The following RAPGEF6 variants were observed in gnomAD, a reference collection of about 807,000 sequenced individuals.
RAPGEF6 encodes Rap guanine nucleotide exchange factor 6.
RAPGEF6 carries 56 observed loss-of-function variants against 171.4 expected under a neutral mutation model. That is an observed-to-expected ratio of 0.33 (90% CI 0.26 to 0.41). RAPGEF6 has a LOEUF of 0.41. RAPGEF6 is among the 10% of genes least tolerant of loss of function. RAPGEF6 has a pLI of 1.00. For missense variants in RAPGEF6, 1,674 were observed against 1,921.4 expected, an observed-to-expected ratio of 0.87 and a Z score of 2.41; for synonymous variants, 692 against 650.1, an observed-to-expected ratio of 1.06 and a Z score of -0.98.
rs1752259931 is a variant in RAPGEF6 at position 131,439,801 on chromosome 5, A to G, written c.3611-86T>C. On this transcript the variant is annotated intron_variant, in intron 23 of 27. Coordinates refer to ENST00000509018, the MANE Select transcript of RAPGEF6 (RefSeq NM_016340.6). ...CCTAAATCACTACATAACTAACACT[A>G]TGATGCACAATGGCTAGTGTAGTCA... 2.6e-6 allele frequency: 4 copies of G among 1,521,784 alleles called. No individual in the cohort carries two copies. The East Asian group carries it at 7.0e-5, about 26-fold the overall frequency. The allele number at this position is 1,521,784 out of a possible 1,614,324, so 94.3% of individuals were successfully genotyped here.
At chr5:131,457,922 A>T (rs572876317) in intron 19 of RAPGEF6, among the ~76,000 whole-genome samples, 96 of 152,340 alleles carry the variant, frequency 6.3e-4, no homozygotes, top group African/African-American at 2.2e-3. Context: ...TGTTTAACTC[A>T]AAACTCCCAA....
At chr5:131,575,284 C>T (rs1762539890) in intron 4 of RAPGEF6, among the ~76,000 whole-genome samples, 1 of 152,180 alleles carries the variant, frequency 6.6e-6, no homozygotes, top group African/African-American at 2.4e-5. Flanking sequence ...TCATGATCTA[C>T]TTTCTTTCCA....
chr5:131,438,549 T>C (rs1417291463), intron 24 of RAPGEF6, among the ~76,000 whole-genome samples: 7 of 152,352 alleles, frequency 4.6e-5, no homozygotes. Flanking sequence ...TGTAATTCTT[T>C]TACATCTGTG....
intron 3 of RAPGEF6, among the ~76,000 whole-genome samples, chr5:131,592,799 C>T (rs1239649647): frequency 6.6e-6 from 1 of 151,862 alleles, no homozygotes; most frequent in African/African-American, 2.4e-5. Context: ...AGCTTTAAAG[C>T]TAAGAAAGCA....
At chr5:131,436,386 A>T (rs1211650203) in intron 24 of RAPGEF6, 1 of 1,534,950 alleles carries the variant, frequency 6.5e-7, no homozygotes, top group African/African-American at 1.4e-5. Context: ...TGCCAACTGG[A>T]GGGAGAGATG....
chr5:131,523,876 G>A (rs1000988741), intron 6 of RAPGEF6, among the ~76,000 whole-genome samples: 51 of 152,196 alleles, frequency 3.4e-4, no homozygotes, highest in Middle Eastern at 3.4e-3. Context: ...GTGGCAGGGG[G>A]TGAGGTGGAG....
At chr5:131,566,421 G>C (rs1270418900) in intron 4 of RAPGEF6, among the ~76,000 whole-genome samples, 2 of 152,002 alleles carry the variant, frequency 1.3e-5, no homozygotes, top group African/African-American at 4.8e-5. Context: ...TCCATTCCTG[G>C]GATAATCCCA....
intron 1 of RAPGEF6, among the ~76,000 whole-genome samples, chr5:131,607,627 A>G (rs1764688054): frequency 6.6e-6 from 1 of 152,222 alleles, no homozygotes; most frequent in Non-Finnish European, 1.5e-5. Context: ...ATCTATTTAC[A>G]TATATTACAT....
intron 26 of RAPGEF6, among the ~76,000 whole-genome samples, chr5:131,429,637 G>A (rs1751576082): frequency 6.6e-6 from 1 of 152,180 alleles, no homozygotes; most frequent in Non-Finnish European, 1.5e-5. Flanking sequence ...ATCTGTTTAA[G>A]GGCTGTTTCA....
At chr5:131,537,959 G>C (rs978765672) in intron 6 of RAPGEF6, among the ~76,000 whole-genome samples, 1 of 152,116 alleles carries the variant, frequency 6.6e-6, no homozygotes, top group African/African-American at 2.4e-5. Context: ...TGGGTGTGGA[G>C]GCATGTGCCT....
In RAPGEF6 at chr5:131,479,576, C is replaced by T. The variant is rs1348947290; in HGVS notation, c.2018G>A (p.Arg673Lys). 5.0e-6 allele frequency: 8 copies of T among 1,613,930 alleles called. No homozygotes were observed. Among genetic ancestry groups the T allele is most frequent in the Non-Finnish European group, 6.8e-6 (8 of 1,179,926 alleles). ...KVKANTVSGG[R>K]NKIRKILDKT... is the part of the protein sequence containing the mutation. The stretch of plus-strand genomic sequence containing the variant: ...ATCCAAAATCTTCCTGATTTTGTTT[C>T]TTCCACCTGAAACAGTATTTGCTTT... The change falls in exon 16 of 28, where the codon AGA (arginine) becomes AAA (lysine). Residue 673 changes from arginine (R) to lysine (K), a missense_variant. Physicochemically the swap from Arg to Lys is conservative, Grantham distance 26. Coordinates refer to ENST00000509018, the MANE Select transcript of RAPGEF6 (RefSeq NM_016340.6).
At chr5:131,511,259 AT>A (rs1435613390) in intron 7 of RAPGEF6, 1 of 152,122 alleles carries the variant, frequency 6.6e-6, no homozygotes, top group Non-Finnish European at 1.5e-5. Context: ...TACTAAGTAG[AT>A]TCTTAAAAAA....
Position 131,446,764 on chromosome 5 carries a change from T to C in RAPGEF6, c.3201-61A>G, listed in dbSNP as rs1002864060. ...GAGATGAGAACTAAGCATAGCAGAT[T>C]GAAGATTAAAAGATTTTGTTCTGTT... On this transcript the variant is annotated intron_variant, in intron 21 of 27. Coordinates refer to ENST00000509018, the MANE Select transcript of RAPGEF6 (RefSeq NM_016340.6). 5 of 1,436,296 alleles carry C rather than the reference T, an allele frequency of 3.5e-6. No homozygotes were observed. The African/African-American group carries it at 7.1e-5, about 21-fold the overall frequency. 89.0% of individuals were successfully genotyped at this position (1,436,296 alleles called of 1,614,324 possible).
At chr5:131,489,523 G>A (rs990667160) in intron 15 of RAPGEF6, 23 bp downstream of exon 15, 11 of 1,376,182 alleles carry the variant, frequency 8.0e-6, no homozygotes, top group Non-Finnish European at 1.1e-5. Flanking sequence ...AAGAGTTCAG[G>A]CAATTTTTAC....
At chr5:131,624,462 C>T (rs1013689696) in intron 1 of RAPGEF6, among the ~76,000 whole-genome samples, 1 of 152,146 alleles carries the variant, frequency 6.6e-6, no homozygotes, top group Admixed American at 6.5e-5. Context: ...ATGCAAAGAA[C>T]CAAGGTAGCT....
At position 131,462,102 on chromosome 5, in the gene RAPGEF6, T is replaced by G; in HGVS notation, c.2481-14A>C. 6.9e-7 allele frequency: 1 copy of G among 1,452,516 alleles called. No homozygotes were observed. The highest frequency in any genetic ancestry group is 2.5e-5 in the East Asian group (1 of 40,236). The allele number at this position is 1,452,516 out of a possible 1,614,324, so 90.0% of individuals were successfully genotyped here. A position where few individuals can be genotyped will look rare whatever the true frequency, so the allele number is the denominator to read the frequency against. On this transcript the variant is annotated splice_polypyrimidine_tract_variant and intron_variant, in intron 18 of 27. Transcript: ENST00000509018. ...TTTAAGTAATACCTAAATGGAAAAA[T>G]TTTTTTAAATAAATGTATTCATAAA...
intron 7 of RAPGEF6, among the ~76,000 whole-genome samples, chr5:131,514,060 A>C (rs1757918390): frequency 6.6e-6 from 1 of 152,174 alleles, no homozygotes; most frequent in Non-Finnish European, 1.5e-5. Flanking sequence ...CAAAAACCAC[A>C]ACTACCTTTC....
At chr5:131,496,426 T>G (rs1756646477) in intron 12 of RAPGEF6, among the ~76,000 whole-genome samples, 1 of 152,190 alleles carries the variant, frequency 6.6e-6, no homozygotes, top group East Asian at 1.9e-4. Flanking sequence ...TTAACAATAC[T>G]GTGTAACCAT....
At chr5:131,463,442 G>A (rs1232471662) in intron 18 of RAPGEF6, among the ~76,000 whole-genome samples, 1 of 152,072 alleles carries the variant, frequency 6.6e-6, no homozygotes, top group Non-Finnish European at 1.5e-5. Flanking sequence ...CGCCAGGCAT[G>A]GTGGCATGTG....
Sources: allele counts gnomAD v4.1 joint callset (sites outside exome capture counted in the v4.1 genomes callset), GRCh38; gene constraint gnomAD v4.1.1; transcripts MANE v1.5; gene names NCBI Gene and HGNC (gene_info 2026-07-23, HGNC 2026-07-21).